The following CLEC17A variants were observed in gnomAD, a reference collection of about 807,000 sequenced individuals.
CLEC17A encodes C-type lectin domain containing 17A, also known as C-type lectin domain family 17, member A.
Under a neutral mutation model 61.3 loss-of-function variants are expected in CLEC17A, and 37 were observed. The ratio of observed to expected loss-of-function variants is 0.60; its 90% CI spans 0.46 to 0.79. The LOEUF (loss-of-function observed/expected upper bound fraction) is 0.79. CLEC17A is among the 30% of genes least tolerant of loss of function. The pLI is 0.00. For synonymous variants in CLEC17A, 168 were observed against 164.9 expected (o/e 1.02, Z -0.14); for missense variants, 418 against 464.7 (o/e 0.90, Z 0.92).
intron 2 of CLEC17A, chr19:14,584,080 A>AG (rs1599525614): frequency 6.8e-6 from 1 of 147,466 alleles, no homozygotes; most frequent in Non-Finnish European, 1.5e-5. Context: ...AAAAAAAAAA[A>AG]AAATAGAGGT....
At chr19:14,599,911 A>T in intron 11 of CLEC17A, 99 bp downstream of exon 11, 1 of 1,496,662 alleles carries the variant, frequency 6.7e-7, no homozygotes, top group Non-Finnish European at 9.1e-7. Flanking sequence ...GTCTATGTGA[A>T]TGGTGCCCCT....
At chr19:14,597,945 A>C (rs1185101074) in intron 10 of CLEC17A, among the ~76,000 whole-genome samples, 1 of 152,168 alleles carries the variant, frequency 6.6e-6, no homozygotes, top group Admixed American at 6.6e-5. Context: ...CGAGTGTTGA[A>C]AAAGGGAAGA....
Position 14,586,891 on chromosome 19 carries a change from CT to C in CLEC17A, c.122-708del, listed in dbSNP as rs1056065617. ...GTTTCTTCTTTTTCTTTCTTTCTTT[CT>C]TTTTTTTTTTTTTTGAGACAGAATC... On this transcript the variant is annotated intron_variant, in intron 2 of 13. Coordinates refer to ENST00000417570, the MANE Select transcript of CLEC17A (RefSeq NM_001204118.2). Among the ~76,000 whole-genome samples the C allele has an allele frequency of 2.2e-3, 265 of 121,624 alleles. 1 individual carries two copies. The highest frequency in any genetic ancestry group is 3.8e-3 in the Middle Eastern group (1 of 260). 79.8% of individuals were successfully genotyped at this position (121,624 alleles called of 152,430 possible). A position where few individuals can be genotyped will look rare whatever the true frequency, so the allele number is the denominator to read the frequency against.
At chr19:14,604,350 G>A (rs1031016753) in intron 12 of CLEC17A, among the ~76,000 whole-genome samples, 8 of 152,216 alleles carry the variant, frequency 5.3e-5, no homozygotes, top group Admixed American at 2.6e-4. Flanking sequence ...TTCCCATGGT[G>A]ACTTTACCTC....
chr19:14,602,811 C>T (rs2074755602), intron 12 of CLEC17A, among the ~76,000 whole-genome samples: 1 of 151,942 alleles, frequency 6.6e-6, no homozygotes, highest in Non-Finnish European at 1.5e-5. Flanking sequence ...TCTTGGCTCA[C>T]TGCAACCTCT....
chr19:14,607,148 C>A, intron 13 of CLEC17A, 46 bp downstream of exon 13: 1 of 933,438 alleles, frequency 1.1e-6, no homozygotes, highest in Non-Finnish European at 1.4e-6. Flanking sequence ...CTCTGTGGGC[C>A]CTGACCATGG....
At chr19:14,591,961 C>G (rs982589462) in intron 3 of CLEC17A, among the ~76,000 whole-genome samples, 1 of 149,596 alleles carries the variant, frequency 6.7e-6, no homozygotes, top group Non-Finnish European at 1.5e-5. Flanking sequence ...GGGCTTCCCC[C>G]CAAGATGGAT....
At chr19:14,591,453 C>T (rs868715966) in intron 3 of CLEC17A, among the ~76,000 whole-genome samples, 3 of 141,344 alleles carry the variant, frequency 2.1e-5, no homozygotes, top group Admixed American at 7.2e-5. Context: ...CGCGCCTGGC[C>T]CTTTTTTTTG....
chr19:14,597,314 TTGTC>T (rs1273964219), intron 10 of CLEC17A, among the ~76,000 whole-genome samples, 153 bp downstream of exon 10: 2 of 152,106 alleles, frequency 1.3e-5, no homozygotes, highest in African/African-American at 4.8e-5. Flanking sequence ...GACACAGTCT[TTGTC>T]TGACTGTGTG....
chr19:14,599,917 C>T, intron 11 of CLEC17A, 105 bp downstream of exon 11: 8 of 1,493,126 alleles, frequency 5.4e-6, no homozygotes, highest in Non-Finnish European at 7.3e-6. Context: ...GTGAATGGTG[C>T]CCCTCCCCCT....
intron 4 of CLEC17A, among the ~76,000 whole-genome samples, chr19:14,593,413 A>G (rs2074467521): frequency 6.6e-6 from 1 of 151,772 alleles, no homozygotes; most frequent in South Asian, 2.1e-4. Context: ...TTGGGAAGCC[A>G]AGGTGGGAGC....
intron 12 of CLEC17A, among the ~76,000 whole-genome samples, 187 bp downstream of exon 12, chr19:14,600,369 A>G (rs2146720848): frequency 6.6e-6 from 1 of 152,308 alleles, no homozygotes; most frequent in Non-Finnish European, 1.5e-5. Context: ...TTTGTTTTTG[A>G]GTTCAAATTC....
upstream of CLEC17A, among the ~76,000 whole-genome samples, chr19:14,581,282 C>T (rs1221380629): frequency 6.6e-6 from 1 of 152,150 alleles, no homozygotes; most frequent in African/African-American, 2.4e-5. Context: ...TAACAAATTA[C>T]TCATAAATTG....
At chr19:14,589,027 T>A (rs2074354892) in intron 3 of CLEC17A, among the ~76,000 whole-genome samples, 2 of 151,492 alleles carry the variant, frequency 1.3e-5, no homozygotes, top group African/African-American at 4.9e-5. Flanking sequence ...CAGGGCCACG[T>A]CTGCTCCAAA....
chr19:14,599,895 A>T, intron 11 of CLEC17A, 83 bp downstream of exon 11: 1 of 1,496,008 alleles, frequency 6.7e-7, no homozygotes, highest in Non-Finnish European at 9.1e-7. Context: ...AGTCATTCTC[A>T]GTGCAGTCTA....
chr19:14,588,037 CCT>C (rs771768860), intron 3 of CLEC17A, among the ~76,000 whole-genome samples: 2 of 151,496 alleles, frequency 1.3e-5, no homozygotes, highest in African/African-American at 2.4e-5. Flanking sequence ...GTGCAAAGTC[CCT>C]GAGTTACAAA....
chr19:14,594,687 G>A lies in CLEC17A; in HGVS notation c.361+5G>A, dbSNP rs34335847. ...GCAAGCCCCGGAACATGACAGGTGA[G>A]AGCTGACAGTTGGAGTCTTCCTGCT... On this transcript the variant is annotated splice_donor_5th_base_variant and intron_variant, in intron 6 of 13. Coordinates refer to ENST00000417570, the MANE Select transcript of CLEC17A (RefSeq NM_001204118.2). The A allele has an allele frequency of 0.1, 167,286 of 1,613,630 alleles. 9,359 individuals are homozygous for A. Among genetic ancestry groups the A allele is most frequent in the African/African-American group, 0.17 (12,777 of 74,924 alleles).
chr19:14,582,082 C>T (rs938249568), upstream of CLEC17A, among the ~76,000 whole-genome samples: 2 of 152,228 alleles, frequency 1.3e-5, no homozygotes, highest in African/African-American at 4.8e-5. Context: ...TGTTTCCAGC[C>T]TCTGCAGTTG....
intron 12 of CLEC17A, among the ~76,000 whole-genome samples, chr19:14,602,286 T>G (rs1006250503): frequency 2.6e-5 from 4 of 151,658 alleles, no homozygotes; most frequent in African/African-American, 7.3e-5. Context: ...GGTGTTTTCA[T>G]TTACTTATTT....
Sources: allele counts gnomAD v4.1 joint callset (sites outside exome capture counted in the v4.1 genomes callset), GRCh38; gene constraint gnomAD v4.1.1; transcripts MANE v1.5; gene names NCBI Gene and HGNC (gene_info 2026-07-23, HGNC 2026-07-21).